KRI1: variants seen among roughly 807,000 people sequenced by gnomAD.
The protein encoded by KRI1 is protein KRI1 homolog.
Under a neutral mutation model 97.0 loss-of-function variants are expected in KRI1, and 83 were observed. That is an observed-to-expected ratio of 0.86 (90% CI 0.72 to 1.03). The LOEUF (loss-of-function observed/expected upper bound fraction) is 1.03. Among genes scored for constraint, KRI1 ranks in the 50% least tolerant of loss-of-function variants. The pLI is 0.00. For missense variants in KRI1, 916 were observed against 928.4 expected (o/e 0.99, Z 0.17); for synonymous variants, 371 against 363.5 (o/e 1.02, Z -0.23).
In KRI1 at chr19:10,557,605, G is replaced by A. The variant is rs775967399; in HGVS notation, c.1564C>T (p.Arg522Cys). The stretch of plus-strand genomic sequence containing the variant: ...GGCACCACTGTGCGGTACTTGAAGC[G>A]ACAGGGCAGGTCGTCGATGATGTCC... ...YEDIIDDLPC[R>C]FKYRTVVPCD... Residue 522 changes from arginine (R) to cysteine (C), a missense_variant, in exon 16 of 19, where the codon CGC (arginine) becomes TGC (cysteine). Coordinates refer to ENST00000312962, the MANE Select transcript of KRI1 (RefSeq NM_023008.5). 2.7e-5 allele frequency: 43 copies of A among 1,614,028 alleles called. No individual in the cohort carries two copies. Among genetic ancestry groups the A allele is most frequent in the Non-Finnish European group, 3.2e-5 (38 of 1,180,020 alleles).
rs139920982 is a variant in KRI1 at position 10,559,676 on chromosome 19, G to A, written c.960C>T (p.Ser320=). 1.2e-4 allele frequency: 194 copies of A among 1,613,884 alleles called. No homozygotes were observed. Among genetic ancestry groups the A allele is most frequent in the Non-Finnish European group, 1.6e-4 (183 of 1,180,014 alleles). The part of the protein sequence containing the change: ...VKTYPRSIAS[S]VRRKDERRKE... ...TTCTGCGCTCATCCTTACGGCGCACGGAGGACGCGATGCTGCGTGGGTAGG... is the reference window on the plus strand; with the variant it reads ...TTCTGCGCTCATCCTTACGGCGCACAGAGGACGCGATGCTGCGTGGGTAGG... Residue 320 remains serine, a synonymous_variant, in exon 11 of 19, where the codon TCC becomes TCT. Transcript: ENST00000312962.
Position 10,565,966 on chromosome 19 carries a change from C to G in KRI1, c.34G>C (p.Val12Leu). The G allele has an allele frequency of 2.0e-6, 3 of 1,527,816 alleles. No homozygotes were observed. Among genetic ancestry groups the G allele is most frequent in the Non-Finnish European group, 2.6e-6 (3 of 1,140,962 alleles). 94.6% of individuals were successfully genotyped at this position (1,527,816 alleles called of 1,614,324 possible). Reference protein sequence around the residue: ...PEPRGSSQLRVNAAFAARYNR... With the variant: ...PEPRGSSQLRLNAAFAARYNR... Reference sequence around the variant, plus strand: ...TACCGCGCGGCAAACGCCGCGTTCACCCGCAGCTGCGACGACCCGCGCGGT... The same window carrying G: ...TACCGCGCGGCAAACGCCGCGTTCAGCCGCAGCTGCGACGACCCGCGCGGT... Residue 12 changes from valine (V) to leucine (L), a missense_variant, in exon 1 of 19, where the codon GTG becomes CTG. By Grantham distance (32) the Val-to-Leu change is conservative. This residue lies in a region of KRI1 where 173 missense variants were observed against 153.1 expected (regional missense o/e 1.13). Transcript: ENST00000312962.
intron 1 of KRI1, 32 bp downstream of exon 1, chr19:10,565,874 C>A: frequency 6.5e-7 from 1 of 1,533,804 alleles, no homozygotes; most frequent in Non-Finnish European, 8.8e-7. Flanking sequence ...CCGGCGCGCG[C>A]AGGCTCCCGC....
chr19:10,557,590 T>G lies in KRI1; in HGVS notation c.1579A>C (p.Thr527Pro). Residue 527 changes from threonine to proline, a missense_variant, in exon 16 of 19, where the codon ACA becomes CCA. Coordinates refer to ENST00000312962, the MANE Select transcript of KRI1 (RefSeq NM_023008.5). ...DDLPCRFKYR[T>P]VVPCDFGLST... ...AGGCCAAAGTCACAGGGCACCACTG[T>G]GCGGTACTTGAAGCGACAGGGCAGG... 6.2e-7 allele frequency: 1 copy of G among 1,614,124 alleles called. No homozygotes were observed. Among genetic ancestry groups the G allele is most frequent in the Non-Finnish European group, 8.5e-7 (1 of 1,180,014 alleles).
chr19:10,559,877 A>C lies in KRI1; in HGVS notation c.860T>G (p.Phe287Cys), dbSNP rs1024253458. The C allele has an allele frequency of 3.7e-6, 6 of 1,613,514 alleles. No homozygotes were observed. Among genetic ancestry groups the C allele is most frequent in the Admixed American group, 3.3e-5 (2 of 59,970 alleles). Residue 287 changes from phenylalanine (F) to cysteine (C), a missense_variant, in exon 10 of 19, where the codon TTT (phenylalanine) becomes TGT (cysteine). Transcript: ENST00000312962. ...TTCAAAGTCCTCCTGTTTCTTCAGA[A>C]ACAGCTCCCCTTCGTCTGAGGAGTC... ...VDDSSDEGEL[F>C]LKKQEDFEQK...
intron 6 of KRI1, 58 bp from the exon 7 acceptor site, chr19:10,561,323 C>T: frequency 6.8e-7 from 1 of 1,475,916 alleles, no homozygotes. Flanking sequence ...TCTGCTGCCC[C>T]AGTATTTATT....
intron 3 of KRI1, 30 bp from the exon 4 acceptor site, chr19:10,562,867 AC>A (rs1916742422): frequency 7.5e-7 from 1 of 1,327,584 alleles, no homozygotes; most frequent in Non-Finnish European, 1.1e-6. Context: ...ACCTGCCATC[AC>A]CCACAACCCC....
chr19:10,553,882 T>G lies in KRI1; in HGVS notation c.*69A>C. 1 of 1,265,838 alleles carries G rather than the reference T, an allele frequency of 7.9e-7. No homozygotes were observed. Among genetic ancestry groups the G allele is most frequent in the Non-Finnish European group, 1.1e-6 (1 of 933,648 alleles). 78.4% of individuals were successfully genotyped at this position (1,265,838 alleles called of 1,614,324 possible). A position where few individuals can be genotyped will look rare whatever the true frequency, so the allele number is the denominator to read the frequency against. On this transcript the variant is annotated 3_prime_UTR_variant, in exon 19 of 19. Transcript: ENST00000312962. ...GGATCTCTGCAGCAGATAGTACTTG[T>G]GGGTGCGAGACCTGTCCAGGGCTTG...
Position 10,553,235 on chromosome 19 carries a change from G to A in KRI1, c.*716C>T, listed in dbSNP as rs1916362039. ...TTCAGCCAGGGACAGAGCCCACAGAGCCCATACACCTGTCTCCCACCAGCG... is the reference window on the plus strand; with the variant it reads ...TTCAGCCAGGGACAGAGCCCACAGAACCCATACACCTGTCTCCCACCAGCG... On this transcript the variant is annotated 3_prime_UTR_variant, in exon 19 of 19. Coordinates refer to ENST00000312962, the MANE Select transcript of KRI1 (RefSeq NM_023008.5). The A allele has an allele frequency of 3.4e-6, 3 of 874,496 alleles. No individual in the cohort carries two copies. The highest frequency in any genetic ancestry group is 3.4e-6 in the Non-Finnish European group (2 of 596,864). The allele number at this position is 874,496 out of a possible 1,614,324, so 54.2% of individuals were successfully genotyped here. A position where few individuals can be genotyped will look rare whatever the true frequency, so the allele number is the denominator to read the frequency against.
chr19:10,559,631 A>G lies in KRI1; in HGVS notation c.1005T>C (p.Thr335=). The change falls in exon 11 of 19, where the codon ACT becomes ACC. Residue 335 remains threonine (T), a synonymous_variant. Transcript: ENST00000312962. ...CACTCACCCTCTTCTTTCGCTCCCGAGTCTCTTCCCTCTTCTCCTTTCTGC... is the reference window on the plus strand; with the variant it reads ...CACTCACCCTCTTCTTTCGCTCCCGGGTCTCTTCCCTCTTCTCCTTTCTGC... ...DERRKEKREE[T]RERKKREKAK... 1 of 1,613,798 alleles carries G rather than the reference A, an allele frequency of 6.2e-7. No homozygotes were observed. Among genetic ancestry groups the G allele is most frequent in the Admixed American group, 1.7e-5 (1 of 59,968 alleles).
Position 10,554,147 on chromosome 19 carries a change from G to A in KRI1, c.1916C>T (p.Ser639Leu). 1 of 1,614,052 alleles carries A rather than the reference G, an allele frequency of 6.2e-7. No individual in the cohort carries two copies. Among genetic ancestry groups the A allele is most frequent in the Non-Finnish European group, 8.5e-7 (1 of 1,180,008 alleles). Residue 639 changes from serine (S) to leucine (L), a missense_variant, in exon 19 of 19, where the codon TCA becomes TTA. Transcript: ENST00000312962. ...CTGGGGGGCTGGCTTCTTGTGGGGT[G>A]ATACAGGGGCTTCCTCTTCCTGTGC... is the stretch of plus-strand genomic sequence containing the variant. ...PPAQEEEAPV[S>L]PHKKPAPQKR...
intron 15 of KRI1, 33 bp downstream of exon 15, chr19:10,557,733 CCCT>C: frequency 6.2e-7 from 1 of 1,614,000 alleles, no homozygotes; most frequent in African/African-American, 1.3e-5. Context: ...CCGCGGTGCC[CCCT>C]GCCTACCCAC....
At chr19:10,562,686 A>C in intron 4 of KRI1, 43 bp downstream of exon 4, 1 of 1,177,382 alleles carries the variant, frequency 8.5e-7, no homozygotes, top group East Asian at 2.3e-5. Context: ...TAGACCTGAC[A>C]GGGCTGGGAA....
rs539582673 is a variant in KRI1, at chr19:10,553,809, G to A, written c.*142C>T. On this transcript the variant is annotated 3_prime_UTR_variant, in exon 19 of 19. Coordinates refer to ENST00000312962, the MANE Select transcript of KRI1 (RefSeq NM_023008.5). ...TGGGCTCAAGTGATCCTTTCACCTC[G>A]GCCTCCCAAAGTGCTGGGATTACAG... is the stretch of plus-strand genomic sequence containing the variant. 69 of 711,016 alleles carry A rather than the reference G, an allele frequency of 9.7e-5. No individual in the cohort carries two copies. Among genetic ancestry groups the A allele is most frequent in the African/African-American group, 8.3e-4 (46 of 55,314 alleles). 44.0% of individuals were successfully genotyped at this position (711,016 alleles called of 1,614,324 possible).
In KRI1 at chr19:10,565,328, CG is replaced by C. The variant is rs763649824; in HGVS notation, c.169-295del. On this transcript the variant is annotated intron_variant, in intron 2 of 18. Coordinates refer to ENST00000312962, the MANE Select transcript of KRI1 (RefSeq NM_023008.5). ...TGGGCTGAGGGCACAAGAGAGACAG[CG>C]GGGAGGGGCTGGGCCAGGCCGCACA... The C allele has an allele frequency of 1.4e-3, 743 of 527,922 alleles. 2 individuals carry two copies. The highest frequency in any genetic ancestry group is 2.1e-3 in the Non-Finnish European group (627 of 298,462). 32.7% of individuals were successfully genotyped at this position (527,922 alleles called of 1,614,324 possible).
chr19:10,561,770 C>G (rs759184561), intron 5 of KRI1, 21 bp downstream of exon 5: 1 of 1,614,002 alleles, frequency 6.2e-7, no homozygotes, highest in Non-Finnish European at 8.5e-7. Context: ...AGCCCCCCGA[C>G]CCAGCCTTCA....
At chr19:10,554,309 C>CTG in intron 18 of KRI1, 28 bp from the exon 19 acceptor site, 4 of 1,592,220 alleles carry the variant, frequency 2.5e-6, no homozygotes, top group Non-Finnish European at 3.4e-6. Context: ...GGGCTCAGCC[C>CTG]AGGCCTGTCA....
chr19:10,565,158 C>T lies in KRI1; in HGVS notation c.169-124G>A, dbSNP rs115844336. ...GGTGGATCTGGCTGGGGAGGTCAAA[C>T]AGGTGGTCAAACAGCAGGAGGGAGA... On this transcript the variant is annotated intron_variant, in intron 2 of 18. Coordinates refer to ENST00000312962, the MANE Select transcript of KRI1 (RefSeq NM_023008.5). 4.6e-3 allele frequency: 3,244 copies of T among 704,738 alleles called. 67 individuals carry two copies. In the African/African-American group the frequency reaches 0.051, roughly 11 times the overall value. 43.7% of individuals were successfully genotyped at this position (704,738 alleles called of 1,614,324 possible).
intron 16 of KRI1, among the ~76,000 whole-genome samples, chr19:10,556,783 G>A (rs375397681): frequency 1.3e-5 from 2 of 151,908 alleles, no homozygotes; most frequent in Admixed American, 6.6e-5. Context: ...TTAGGCCCAG[G>A]GAGTTCGAGA....
Sources: allele counts gnomAD v4.1 joint callset (sites outside exome capture counted in the v4.1 genomes callset), GRCh38; gene constraint gnomAD v4.1.1; regional missense constraint gnomAD v4.1.1; transcripts MANE v1.5; gene names NCBI Gene and HGNC (gene_info 2026-07-23, HGNC 2026-07-21).